ZBTB41: variants seen among roughly 807,000 people sequenced by gnomAD.
ZBTB41 encodes the protein zinc finger and BTB domain-containing protein 41.
A neutral mutation model predicts 87.6 loss-of-function variants in ZBTB41; 42 were observed. The ratio of observed to expected loss-of-function variants is 0.48; its 90% CI spans 0.37 to 0.62. ZBTB41 has a LOEUF of 0.62. ZBTB41 is among the 20% of genes least tolerant of loss of function. The probability of loss-of-function intolerance (pLI) is 0.00; values close to 1 mark genes in which losing one functional copy is unlikely to be tolerated. For missense variants in ZBTB41, 799 were observed against 1,078.9 expected (o/e 0.74, Z 3.63); for synonymous variants, 364 against 364.0 (o/e 1.00, Z 0.00).
chr1:197,187,820 A>C (rs1659922471), intron 5 of ZBTB41, among the ~76,000 whole-genome samples: 1 of 152,230 alleles, frequency 6.6e-6, no homozygotes, highest in South Asian at 2.1e-4. Context: ...GTATCTAAAA[A>C]AAATGAACCA....
intron 10 of ZBTB41, among the ~76,000 whole-genome samples, chr1:197,166,437 C>A (rs1377554202): frequency 1.3e-5 from 2 of 151,914 alleles, no homozygotes; most frequent in Admixed American, 1.3e-4. Flanking sequence ...CAAATTCTGC[C>A]AATAGATTTC....
At position 197,192,574 on chromosome 1, in the gene ZBTB41, T is replaced by C. The variant is rs1428379221; in HGVS notation, c.1121-675A>G. Among the ~76,000 whole-genome samples, 6 of 152,144 alleles carry C rather than the reference T, an allele frequency of 3.9e-5. No individual in the cohort carries two copies. The South Asian group carries it at 1.2e-3, about 32-fold the overall frequency. On this transcript the variant is annotated intron_variant, in intron 2 of 10. Transcript: ENST00000367405. Reference sequence around the variant, plus strand: ...ACTGTGAATATGCACATCTAGTAATTTGAATTAGAAATTTTGAAATATATT... The same window carrying C: ...ACTGTGAATATGCACATCTAGTAATCTGAATTAGAAATTTTGAAATATATT...
rs931615502 is a variant in ZBTB41 at position 197,159,232 on chromosome 1, T to C, written c.*127A>G. The C allele has an allele frequency of 7.8e-6, 7 of 900,102 alleles. No individual in the cohort carries two copies. Among genetic ancestry groups the C allele is most frequent in the Non-Finnish European group, 1.0e-5 (6 of 599,444 alleles). The allele number at this position is 900,102 out of a possible 1,614,324, so 55.8% of individuals were successfully genotyped here. ...AACAGAGACACATAGTTTTCTTGATTTGAAACTGTTCTGAGGACTTGAGAA... is the reference window on the plus strand; with the variant it reads ...AACAGAGACACATAGTTTTCTTGATCTGAAACTGTTCTGAGGACTTGAGAA... On this transcript the variant is annotated 3_prime_UTR_variant, in exon 11 of 11. Transcript: ENST00000367405.
At chr1:197,169,143 C>A (rs1373560293) in intron 10 of ZBTB41, among the ~76,000 whole-genome samples, 1 of 151,870 alleles carries the variant, frequency 6.6e-6, no homozygotes, top group Admixed American at 6.6e-5. Flanking sequence ...TAAACTGACA[C>A]AATTACTTTG....
intron 9 of ZBTB41, 22 bp from the exon 10 acceptor site, chr1:197,172,270 A>C: frequency 1.1e-6 from 1 of 933,746 alleles, no homozygotes. Flanking sequence ...AAAAGATTTG[A>C]GTTTTTCAAT....
chr1:197,195,699 T>C (rs184004295), intron 2 of ZBTB41, among the ~76,000 whole-genome samples: 348 of 152,254 alleles, frequency 2.3e-3, no homozygotes, highest in African/African-American at 8.1e-3. Flanking sequence ...AAAAGATGAA[T>C]TATCCAAATT....
intron 9 of ZBTB41, among the ~76,000 whole-genome samples, chr1:197,172,887 TAATA>T (rs1260007672): frequency 6.6e-6 from 1 of 152,086 alleles, no homozygotes; most frequent in Non-Finnish European, 1.5e-5. Context: ...AAATTTGAAC[TAATA>T]AATAAAATTT....
At chr1:197,186,328 G>A (rs1451118959) in intron 5 of ZBTB41, among the ~76,000 whole-genome samples, 3 of 150,426 alleles carry the variant, frequency 2.0e-5, no homozygotes, top group African/African-American at 7.3e-5. Context: ...CTTTGCAAAA[G>A]TGAACTCAAA....
At chr1:197,188,179 C>T (rs1659931975) in intron 5 of ZBTB41, 113 bp downstream of exon 5, 1 of 1,285,208 alleles carries the variant, frequency 7.8e-7, no homozygotes, top group Admixed American at 2.4e-5. Context: ...CCTAAAACCA[C>T]TCTTAAAAAG....
rs149855066 is a variant in ZBTB41, at chr1:197,199,694, A to T, written c.780T>A (p.Pro260=). The T allele has an allele frequency of 3.7e-5, 59 of 1,613,636 alleles. No individual in the cohort carries two copies. In the African/African-American group the frequency reaches 7.2e-4, roughly 20 times the overall value. Residue 260 remains proline, a synonymous_variant, in exon 2 of 11, where the codon CCT becomes CCA. Coordinates refer to ENST00000367405, the MANE Select transcript of ZBTB41 (RefSeq NM_194314.3). ...CATCGCTGGTGTCATCAAACTTAAC[A>T]GGGCACTTCCGATTCCTTTTTGATC... is the stretch of plus-strand genomic sequence containing the variant. ...ARRSKRNRKC[P]VKFDDTSDDE... is the part of the protein sequence containing the mutation.
At chr1:197,199,028 T>A (rs1303968155) in intron 2 of ZBTB41, among the ~76,000 whole-genome samples, 1 of 152,190 alleles carries the variant, frequency 6.6e-6, no homozygotes, top group African/African-American at 2.4e-5. Context: ...AAAAATAGTA[T>A]TTATCACTGG....
In ZBTB41 at chr1:197,164,584, T is replaced by C. The variant is rs1659271264; in HGVS notation, c.2075-4570A>G. ...AATATAAAAGTATCCAAAAGAGTGC[T>C]GGTAATCTTTATCCCATAATAAAGA... On this transcript the variant is annotated intron_variant, in intron 10 of 10. Transcript: ENST00000367405. Among the ~76,000 whole-genome samples the C allele has an allele frequency of 2.0e-5, 3 of 149,630 alleles. No individual in the cohort carries two copies. In the Admixed American group the frequency reaches 2.0e-4, roughly 10 times the overall value.
intron 4 of ZBTB41, among the ~76,000 whole-genome samples, chr1:197,188,671 T>C (rs1464873012): frequency 6.6e-6 from 1 of 152,162 alleles, no homozygotes; most frequent in East Asian, 1.9e-4. Context: ...TTTACATTTC[T>C]AGTAGGGATA....
At chr1:197,164,407 CA>C (rs1659267624) in intron 10 of ZBTB41, among the ~76,000 whole-genome samples, 1 of 151,282 alleles carries the variant, frequency 6.6e-6, no homozygotes, top group South Asian at 2.1e-4. Flanking sequence ...CATTCAAGCC[CA>C]AATAAGTGAG....
At chr1:197,177,925 T>TA (rs1434425212) in intron 7 of ZBTB41, among the ~76,000 whole-genome samples, 1 of 152,092 alleles carries the variant, frequency 6.6e-6, no homozygotes, top group African/African-American at 2.4e-5. Flanking sequence ...CAGAAGTAGT[T>TA]ACATATTATT....
intron 5 of ZBTB41, among the ~76,000 whole-genome samples, chr1:197,187,006 A>G (rs771909763): frequency 7.2e-5 from 11 of 152,216 alleles, no homozygotes; most frequent in Non-Finnish European, 8.8e-5. Context: ...AATCAATGCA[A>G]TGAGATACCA....
intron 9 of ZBTB41, among the ~76,000 whole-genome samples, chr1:197,174,533 G>C (rs1659555608): frequency 6.6e-6 from 1 of 152,012 alleles, no homozygotes; most frequent in South Asian, 2.1e-4. Flanking sequence ...TGAATTACTT[G>C]AATGTTTTAC....
intron 4 of ZBTB41, among the ~76,000 whole-genome samples, chr1:197,189,333 C>G (rs1264046226): frequency 6.6e-6 from 1 of 152,050 alleles, no homozygotes; most frequent in Non-Finnish European, 1.5e-5. Context: ...CAAGATCGGC[C>G]TGGCCAACAT....
chr1:197,177,691 C>T lies in ZBTB41; in HGVS notation c.1772+726G>A, dbSNP rs189834109. The stretch of plus-strand genomic sequence containing the variant: ...ATTAAGATTAATTTAACTTGAATTA[C>T]TTTTATCTCCAGAGCCTCTCTCTCT... On this transcript the variant is annotated intron_variant, in intron 7 of 10. Transcript: ENST00000367405. Among the ~76,000 whole-genome samples, 964 of 152,126 alleles carry T rather than the reference C, an allele frequency of 6.3e-3. 12 individuals carry two copies. The highest frequency in any genetic ancestry group is 0.022 in the African/African-American group (926 of 41,496).
Sources: gnomAD v4.1 joint callset for allele counts (sites outside exome capture counted in the v4.1 genomes callset) on GRCh38, gnomAD v4.1.1 for gene constraint, MANE v1.5 for transcripts, NCBI Gene and HGNC (gene_info 2026-07-23, HGNC 2026-07-21) for gene names.